Variants in CCDC178 observed in about 807,000 individuals in gnomAD.
CCDC178 encodes coiled-coil domain-containing protein 178.
CCDC178 carries 126 observed loss-of-function variants against 117.4 expected under a neutral mutation model. The observed-to-expected ratio is 1.07, with a 90% confidence interval of 0.93 to 1.24. The LOEUF (loss-of-function observed/expected upper bound fraction) is 1.24. Ranked by LOEUF, CCDC178 falls within the 50% of genes most tolerant of loss-of-function variation. The pLI, the probability that CCDC178 is intolerant of heterozygous loss-of-function variation, is 0.00. For missense variants in CCDC178, 1,030 were observed against 986.9 expected (o/e 1.04, Z -0.59); for synonymous variants, 283 against 313.4 (o/e 0.90, Z 1.02).
intron 2 of CCDC178, among the ~76,000 whole-genome samples, chr18:33,439,011 A>T (rs762055580): frequency 6.6e-6 from 1 of 152,190 alleles, no homozygotes; most frequent in African/African-American, 2.4e-5. Flanking sequence ...CATTGCTGTC[A>T]ATCGTAGTAA....
At chr18:33,038,045 T>G (rs1162381155) in intron 21 of CCDC178, among the ~76,000 whole-genome samples, 1 of 151,920 alleles carries the variant, frequency 6.6e-6, no homozygotes, top group Non-Finnish European at 1.5e-5. Context: ...ATTAGATTGA[T>G]CAGAAAAACA....
At chr18:33,152,605 A>T (rs1204066354) in intron 20 of CCDC178, among the ~76,000 whole-genome samples, 3 of 152,016 alleles carry the variant, frequency 2.0e-5, no homozygotes, top group Non-Finnish European at 4.4e-5. Context: ...TGAAGTCCCA[A>T]ATATGTGAAT....
intron 5 of CCDC178, among the ~76,000 whole-genome samples, chr18:33,382,646 G>C (rs1436284405): frequency 6.6e-6 from 1 of 152,136 alleles, no homozygotes; most frequent in South Asian, 2.1e-4. Context: ...CCCAGCGGGG[G>C]TACTACACTT....
At chr18:33,012,053 T>A (rs951006782) in intron 21 of CCDC178, among the ~76,000 whole-genome samples, 11 of 152,112 alleles carry the variant, frequency 7.2e-5, no homozygotes, top group African/African-American at 2.7e-4. Context: ...AATAATTAAG[T>A]GGGGAAATTT....
rs181284613 is a variant in CCDC178 at position 33,348,549 on chromosome 18, C to A, written c.457+341G>T. Among the ~76,000 whole-genome samples, 186 of 151,940 alleles carry A rather than the reference C, an allele frequency of 1.2e-3. 4 individuals carry two copies. The highest frequency in any genetic ancestry group is 6.8e-4 in the Non-Finnish European group (46 of 67,776). ...ACATTTCAAAGGTTCAACAGCTGTA[C>A]GTGGCTAGTAGCTATTCTACTGGAC... On this transcript the variant is annotated intron_variant, in intron 8 of 22. Transcript: ENST00000383096.
intron 21 of CCDC178, among the ~76,000 whole-genome samples, chr18:33,073,553 A>ATC (rs879816797): frequency 3.3e-3 from 411 of 123,030 alleles, no homozygotes; most frequent in African/African-American, 3.4e-3. Context: ...CTATCTATCT[A>ATC]TATATATATC....
intron 21 of CCDC178, among the ~76,000 whole-genome samples, chr18:33,015,238 A>G (rs1328377111): frequency 6.6e-6 from 1 of 150,688 alleles, no homozygotes; most frequent in Non-Finnish European, 1.5e-5. Context: ...CCTGGGTGAC[A>G]GAGCAAGATT....
intron 14 of CCDC178, among the ~76,000 whole-genome samples, chr18:33,246,217 A>G (rs2059546955): frequency 1.3e-5 from 2 of 151,992 alleles, no homozygotes; most frequent in Admixed American, 1.3e-4. Flanking sequence ...AAAGCAAACT[A>G]TAGATATTAA....
chr18:33,170,440 C>T lies in CCDC178; in HGVS notation c.2238+41456G>A, dbSNP rs1004918803. On this transcript the variant is annotated intron_variant, in intron 20 of 22. Coordinates refer to ENST00000383096, the MANE Select transcript of CCDC178 (RefSeq NM_001105528.4). ...AACTTATTAAAGGAACTTATTAAAA[C>T]GAAATAATCACAAAATGAAGTAATT... 7.3e-4 allele frequency among the ~76,000 whole-genome samples: 111 copies of T among 152,014 alleles called. 1 individual carries two copies. Among genetic ancestry groups the T allele is most frequent in the African/African-American group, 2.2e-3 (90 of 41,504 alleles).
chr18:33,228,804 T>C lies in CCDC178; in HGVS notation c.1594-1949A>G, dbSNP rs1055825838. On this transcript the variant is annotated intron_variant, in intron 15 of 22. Coordinates refer to ENST00000383096, the MANE Select transcript of CCDC178 (RefSeq NM_001105528.4). ...ACCACAGGGAGTGTTTCCAGGCAGA[T>C]GCTCAAGGCCTTCCTATGAGACGGT... Among the ~76,000 whole-genome samples, 4 of 152,284 alleles carry C rather than the reference T, an allele frequency of 2.6e-5. No homozygotes were observed. The South Asian group carries it at 6.2e-4, about 24-fold the overall frequency.
intron 20 of CCDC178, among the ~76,000 whole-genome samples, chr18:33,199,472 A>T (rs1413325970): frequency 6.6e-6 from 1 of 152,156 alleles, no homozygotes. Context: ...TGACTTATCC[A>T]ACATTTTAAT....
intron 20 of CCDC178, among the ~76,000 whole-genome samples, chr18:33,157,126 A>C (rs1216615756): frequency 1.3e-5 from 2 of 152,198 alleles, no homozygotes; most frequent in Admixed American, 1.3e-4. Flanking sequence ...TTTTCTGATA[A>C]CTGGATGAAT....
chr18:33,016,594 A>C (rs984898735), intron 21 of CCDC178, among the ~76,000 whole-genome samples: 1 of 152,032 alleles, frequency 6.6e-6, no homozygotes, highest in Non-Finnish European at 1.5e-5. Context: ...ATGTAGAAAA[A>C]TGTCATTTGT....
At chr18:33,388,019 TAAAC>T (rs754030683) in intron 5 of CCDC178, among the ~76,000 whole-genome samples, 24 of 150,184 alleles carry the variant, frequency 1.6e-4, no homozygotes, top group Non-Finnish European at 3.0e-4. Context: ...TTACAAGAAA[TAAAC>T]AAACAACCCC....
intron 6 of CCDC178, among the ~76,000 whole-genome samples, chr18:33,357,561 T>C (rs1286294838): frequency 1.3e-5 from 2 of 152,174 alleles, no homozygotes; most frequent in Non-Finnish European, 2.9e-5. Flanking sequence ...TACAAAATTA[T>C]ACCTGAGTTC....
intron 6 of CCDC178, among the ~76,000 whole-genome samples, chr18:33,364,447 A>G (rs1221324836): frequency 2.6e-5 from 4 of 152,050 alleles, no homozygotes; most frequent in Admixed American, 2.6e-4. Flanking sequence ...AAGAAAGACA[A>G]GGGGAGATAT....
intron 21 of CCDC178, among the ~76,000 whole-genome samples, chr18:33,058,110 G>A (rs1459623637): frequency 6.6e-6 from 1 of 152,110 alleles, no homozygotes; most frequent in East Asian, 1.9e-4. Flanking sequence ...AGGTAAAACA[G>A]AGAGCTACCA....
intron 20 of CCDC178, among the ~76,000 whole-genome samples, chr18:33,202,787 T>C (rs911822430): frequency 6.6e-6 from 1 of 152,228 alleles, no homozygotes; most frequent in African/African-American, 2.4e-5. Context: ...TGTCTCCCCC[T>C]GCAAATTAAG....
chr18:33,419,037 C>T (rs1478697583), intron 2 of CCDC178, among the ~76,000 whole-genome samples: 1 of 152,070 alleles, frequency 6.6e-6, no homozygotes, highest in Non-Finnish European at 1.5e-5. Flanking sequence ...CCACTTCAAA[C>T]TATACTACAA....
Sources: gnomAD v4.1 joint callset for allele counts (sites outside exome capture counted in the v4.1 genomes callset) on GRCh38, gnomAD v4.1.1 for gene constraint, MANE v1.5 for transcripts, NCBI Gene and HGNC (gene_info 2026-07-23, HGNC 2026-07-21) for gene names.